Variants in GATAD2A observed in about 807,000 individuals in gnomAD.
The protein encoded by GATAD2A is transcriptional repressor p66-alpha.
In GATAD2A, 12 loss-of-function variants were observed where a neutral mutation model predicts 68.5. The observed-to-expected ratio is 0.18, with a 90% CI of 0.11 to 0.28. GATAD2A has a LOEUF of 0.28. Ranked by LOEUF, GATAD2A falls within the 10% of genes least tolerant of loss-of-function variation. GATAD2A has a pLI of 1.00. For missense variants in GATAD2A, 755 were observed against 868.5 expected (o/e 0.87, Z 1.64); for synonymous variants, 410 against 375.3 (o/e 1.09, Z -1.07).
intron 1 of GATAD2A, among the ~76,000 whole-genome samples, chr19:19,425,851 T>C (rs1358943006): frequency 1.3e-5 from 2 of 151,868 alleles, no homozygotes; most frequent in Non-Finnish European, 2.9e-5. Flanking sequence ...CTGCAGTGGC[T>C]CAGTGTCTGC....
chr19:19,470,755 A>AC (rs2058243219), intron 2 of GATAD2A, among the ~76,000 whole-genome samples: 2 of 151,392 alleles, frequency 1.3e-5, no homozygotes, highest in Non-Finnish European at 3.0e-5. Flanking sequence ...TAAAAAACAA[A>AC]AAAAAAAGGA....
At chr19:19,447,610 G>T (rs1194758572) in intron 1 of GATAD2A, among the ~76,000 whole-genome samples, 2 of 152,328 alleles carry the variant, frequency 1.3e-5, no homozygotes, top group Middle Eastern at 3.4e-3. Context: ...TGCAAGGATT[G>T]TTTGTGGGTA....
intron 1 of GATAD2A, among the ~76,000 whole-genome samples, chr19:19,450,513 A>T (rs1017971358): frequency 6.6e-6 from 1 of 151,962 alleles, no homozygotes; most frequent in Non-Finnish European, 1.5e-5. Flanking sequence ...TGTGCTGCTC[A>T]TGTCTTTTTG....
At chr19:19,499,862 C>T (rs1430594478) in intron 8 of GATAD2A, among the ~76,000 whole-genome samples, 2 of 152,224 alleles carry the variant, frequency 1.3e-5, no homozygotes, top group African/African-American at 4.8e-5. Context: ...CCTCCAGCTC[C>T]CAGCTGCAGG....
chr19:19,450,648 G>A (rs184214199), intron 1 of GATAD2A, among the ~76,000 whole-genome samples: 2 of 151,598 alleles, frequency 1.3e-5, no homozygotes, highest in Admixed American at 6.6e-5. Flanking sequence ...AGGTGCTGGG[G>A]GGTATGTGGG....
chr19:19,462,113 AC>A (rs1191241267), intron 1 of GATAD2A, among the ~76,000 whole-genome samples: 1 of 151,844 alleles, frequency 6.6e-6, no homozygotes, highest in African/African-American at 2.4e-5. Flanking sequence ...GTTCTAATGT[AC>A]CCCCCACTGC....
chr19:19,451,481 AT>A (rs1292134702), intron 1 of GATAD2A, among the ~76,000 whole-genome samples: 3 of 152,286 alleles, frequency 2.0e-5, no homozygotes, highest in Non-Finnish European at 4.4e-5. Context: ...CAAATCAGTT[AT>A]TGTGGCTTCT....
chr19:19,463,316 A>T (rs944364184), intron 1 of GATAD2A, among the ~76,000 whole-genome samples: 5 of 152,196 alleles, frequency 3.3e-5, no homozygotes, highest in African/African-American at 9.7e-5. Context: ...ACAACCTGTT[A>T]GTGAGCAGTT....
chr19:19,391,886 T>A (rs1404970527), intron 1 of GATAD2A, among the ~76,000 whole-genome samples: 1 of 152,132 alleles, frequency 6.6e-6, no homozygotes, highest in Non-Finnish European at 1.5e-5. Flanking sequence ...GGGCATTAAA[T>A]CCCTGTGGGA....
chr19:19,424,520 G>A (rs897356487), intron 1 of GATAD2A, among the ~76,000 whole-genome samples: 5 of 152,084 alleles, frequency 3.3e-5, no homozygotes, highest in Non-Finnish European at 7.4e-5. Context: ...GTGAGACACT[G>A]CGCCTGACCT....
chr19:19,430,551 A>G (rs1357490408), intron 1 of GATAD2A, among the ~76,000 whole-genome samples: 1 of 152,190 alleles, frequency 6.6e-6, no homozygotes, highest in Non-Finnish European at 1.5e-5. Flanking sequence ...ATGCAGAACT[A>G]GTTGAAAAAT....
chr19:19,496,117 G>A lies in GATAD2A; in HGVS notation c.822G>A (p.Ala274=), dbSNP rs560361174. The A allele has an allele frequency of 7.1e-5, 115 of 1,613,558 alleles. No individual in the cohort carries two copies. Among genetic ancestry groups the A allele is most frequent in the Non-Finnish European group, 8.5e-5 (100 of 1,179,818 alleles). Residue 274 remains alanine (A), a synonymous_variant, in exon 7 of 12, where the codon GCG becomes GCA. Coordinates refer to ENST00000683918, the MANE Select transcript of GATAD2A (RefSeq NM_001384528.1). The stretch of plus-strand genomic sequence containing the variant: ...CGCCCCTCCTCCTGGCCCCCCGGGC[G>A]TCGGTGCCCAGTGTGCAGATTCAGG... The part of the protein sequence containing the change: ...GPPPLLLAPR[A]SVPSVQIQGQ...
chr19:19,436,073 T>C (rs1261404127), intron 1 of GATAD2A: 1 of 876,202 alleles, frequency 1.1e-6, no homozygotes, highest in Non-Finnish European at 1.7e-6. Context: ...GAAATGCCAG[T>C]ATGTTCCAGA....
At chr19:19,402,767 G>GT (rs1323738385), upstream of GATAD2A, among the ~76,000 whole-genome samples, 4 of 135,358 alleles carry the variant, frequency 3.0e-5, no homozygotes, top group South Asian at 7.1e-4. Flanking sequence ...TTTTGTTTTT[G>GT]TTTTTTTGAT....
chr19:19,483,781 A>ATTTTTTTTT (rs540958459), intron 2 of GATAD2A, among the ~76,000 whole-genome samples: 5 of 130,018 alleles, frequency 3.8e-5, no homozygotes, highest in East Asian at 2.2e-4. Context: ...TACCCGGCTA[A>ATTTTTTTTT]TTTTTTTTTT....
intron 1 of GATAD2A, among the ~76,000 whole-genome samples, chr19:19,443,982 C>A (rs1313826165): frequency 6.6e-6 from 1 of 152,146 alleles, no homozygotes; most frequent in East Asian, 1.9e-4. Flanking sequence ...ACAACACTCA[C>A]AGCTACTCTT....
At chr19:19,488,134 C>T (rs1204491085) in intron 2 of GATAD2A, among the ~76,000 whole-genome samples, 2 of 152,194 alleles carry the variant, frequency 1.3e-5, no homozygotes, top group South Asian at 2.1e-4. Context: ...AAGGAGGACA[C>T]GCTTCATTTA....
intron 1 of GATAD2A, among the ~76,000 whole-genome samples, chr19:19,410,738 C>A (rs1375963069): frequency 2.0e-5 from 3 of 152,186 alleles, no homozygotes; most frequent in African/African-American, 7.2e-5. Flanking sequence ...TGCTGAGCAG[C>A]CTGTCTCTAG....
At chr19:19,415,215 T>C (rs1274690033) in intron 1 of GATAD2A, among the ~76,000 whole-genome samples, 3 of 150,994 alleles carry the variant, frequency 2.0e-5, no homozygotes, top group Non-Finnish European at 4.4e-5. Context: ...TGCAATGGCA[T>C]GATCTCAGCT....
Sources: allele counts gnomAD v4.1 joint callset (sites outside exome capture counted in the v4.1 genomes callset), GRCh38; gene constraint gnomAD v4.1.1; transcripts MANE v1.5; gene names NCBI Gene and HGNC (gene_info 2026-07-23, HGNC 2026-07-21).